GLRA3: variants seen among roughly 807,000 people sequenced by gnomAD.
GLRA3 encodes the protein glycine receptor alpha 3.
A neutral mutation model predicts 60.4 loss-of-function variants in GLRA3; 44 were observed. The observed-to-expected ratio is 0.73, with a 90% CI of 0.57 to 0.94. GLRA3 has a LOEUF of 0.94. Ranked by LOEUF, GLRA3 falls within the 40% of genes least tolerant of loss-of-function variation. The pLI is 0.00. For missense variants in GLRA3, 508 were observed against 564.6 expected (o/e 0.90, Z 1.02); for synonymous variants, 223 against 192.9 (o/e 1.16, Z -1.29).
chr4:174,801,260 C>A (rs1324588332), intron 1 of GLRA3, among the ~76,000 whole-genome samples: 1 of 152,024 alleles, frequency 6.6e-6, no homozygotes, highest in Non-Finnish European at 1.5e-5. Context: ...AGAGCTAAAT[C>A]CAATTAATTC....
intron 3 of GLRA3, 119 bp from the exon 4 acceptor site, chr4:174,728,817 G>A (rs960088565): frequency 8.1e-6 from 5 of 613,660 alleles, no homozygotes; most frequent in Middle Eastern, 4.3e-4. Flanking sequence ...ACCCCTCTTG[G>A]GGACGGGGTG....
intron 4 of GLRA3, among the ~76,000 whole-genome samples, chr4:174,724,348 G>A (rs72708207): frequency 0.15 from 22,100 of 151,850 alleles, 1,644 homozygotes; most frequent in East Asian, 0.19. Flanking sequence ...AAGGATAAAT[G>A]AGTTTCATAT....
chr4:174,751,090 T>C (rs1382432822), intron 3 of GLRA3, among the ~76,000 whole-genome samples: 1 of 151,000 alleles, frequency 6.6e-6, no homozygotes, highest in Non-Finnish European at 1.5e-5. Flanking sequence ...TATCTATCTA[T>C]CTATCTATCT....
chr4:174,767,148 A>G (rs1738176747), intron 2 of GLRA3, 118 bp from the exon 3 acceptor site: 1 of 586,706 alleles, frequency 1.7e-6, no homozygotes, highest in Admixed American at 2.7e-5. Flanking sequence ...ACACACACAC[A>G]CACACACAGA....
At chr4:174,703,741 C>T (rs984398715) in intron 5 of GLRA3, among the ~76,000 whole-genome samples, 1 of 152,072 alleles carries the variant, frequency 6.6e-6, no homozygotes, top group Admixed American at 6.6e-5. Flanking sequence ...AAAACTGAGC[C>T]TCTGAAAATG....
intron 3 of GLRA3, among the ~76,000 whole-genome samples, chr4:174,729,176 G>A (rs967513831): frequency 1.3e-5 from 2 of 152,082 alleles, no homozygotes; most frequent in African/African-American, 4.8e-5. Flanking sequence ...TTACTTTCTT[G>A]CTTTGTCAGA....
chr4:174,804,378 T>C (rs1248331136), intron 1 of GLRA3, among the ~76,000 whole-genome samples: 2 of 152,110 alleles, frequency 1.3e-5, no homozygotes, highest in Non-Finnish European at 2.9e-5. Flanking sequence ...ATGTAGTGCC[T>C]TACAGATCAT....
chr4:174,674,782 C>T (rs1027705821), intron 7 of GLRA3, among the ~76,000 whole-genome samples: 7 of 152,170 alleles, frequency 4.6e-5, no homozygotes, highest in African/African-American at 1.7e-4. Context: ...GCAAGACTCT[C>T]AGACTTCTGA....
Position 174,783,335 on chromosome 4 carries a change from C to G in GLRA3, c.199+5481G>C, listed in dbSNP as rs1203562664. Among the ~76,000 whole-genome samples the G allele has an allele frequency of 2.2e-5, 3 of 137,570 alleles. 1 individual carries two copies. In the East Asian group the frequency reaches 5.9e-4, roughly 27 times the overall value. The allele number at this position is 137,570 out of a possible 152,430, so 90.3% of individuals were successfully genotyped here. A position where few individuals can be genotyped will look rare whatever the true frequency, so the allele number is the denominator to read the frequency against. On this transcript the variant is annotated intron_variant, in intron 2 of 9. Coordinates refer to ENST00000274093, the MANE Select transcript of GLRA3 (RefSeq NM_006529.4). ...AAATCAATTCAGGATGGATTAAAGACTTACATGTTAGACCTAAAACCATAA... is the reference window on the plus strand; with the variant it reads ...AAATCAATTCAGGATGGATTAAAGAGTTACATGTTAGACCTAAAACCATAA...
chr4:174,776,246 G>A (rs1001828536), intron 2 of GLRA3, among the ~76,000 whole-genome samples: 3 of 152,176 alleles, frequency 2.0e-5, no homozygotes, highest in Admixed American at 6.5e-5. Flanking sequence ...ATGCCTAGTC[G>A]AAGCTCAACA....
chr4:174,783,551 A>C (rs1292013573), intron 2 of GLRA3, among the ~76,000 whole-genome samples: 1 of 140,654 alleles, frequency 7.1e-6, no homozygotes, highest in East Asian at 2.0e-4. Context: ...AATGGGAGAA[A>C]ATTTTTGCAA....
At chr4:174,661,135 A>G (rs914932644) in intron 7 of GLRA3, among the ~76,000 whole-genome samples, 1 of 152,108 alleles carries the variant, frequency 6.6e-6, no homozygotes, top group Admixed American at 6.6e-5. Flanking sequence ...TATCGTTTCT[A>G]GGCTCTCATA....
intron 7 of GLRA3, among the ~76,000 whole-genome samples, chr4:174,670,986 T>A (rs978248616): frequency 1.4e-4 from 21 of 152,204 alleles, no homozygotes; most frequent in Non-Finnish European, 2.6e-4. Flanking sequence ...AATTATTTCA[T>A]TTTCTGGGCC....
chr4:174,796,511 G>T (rs1357886863), intron 1 of GLRA3, among the ~76,000 whole-genome samples: 4 of 151,824 alleles, frequency 2.6e-5, no homozygotes, highest in African/African-American at 9.7e-5. Flanking sequence ...TGGCTAAAAA[G>T]CATTTTTACA....
intron 1 of GLRA3, among the ~76,000 whole-genome samples, chr4:174,816,627 G>GT (rs1235017684): frequency 0.025 from 3,575 of 144,994 alleles, 124 homozygotes; most frequent in African/African-American, 0.081. Flanking sequence ...TGGACAAGTG[G>GT]TTTTTTTTTT....
chr4:174,778,965 C>T (rs906069808), intron 2 of GLRA3, among the ~76,000 whole-genome samples: 3 of 152,188 alleles, frequency 2.0e-5, no homozygotes, highest in Admixed American at 6.5e-5. Flanking sequence ...GGGTGGAGCC[C>T]ACCACAGCTC....
chr4:174,735,403 TTTTGCTCATGA>T (rs1440227371), intron 3 of GLRA3, among the ~76,000 whole-genome samples: 3 of 152,196 alleles, frequency 2.0e-5, no homozygotes, highest in Non-Finnish European at 4.4e-5. Flanking sequence ...CTACTAATAC[TTTTGCTCATGA>T]CCTGAAATTT....
At chr4:174,752,618 C>T (rs1327770606) in intron 3 of GLRA3, among the ~76,000 whole-genome samples, 7 of 152,026 alleles carry the variant, frequency 4.6e-5, no homozygotes, top group African/African-American at 1.2e-4. Context: ...GTCCCAGAAG[C>T]GCTGGAAGAC....
chr4:174,802,747 G>T (rs1242766798), intron 1 of GLRA3, among the ~76,000 whole-genome samples: 1 of 151,994 alleles, frequency 6.6e-6, no homozygotes, highest in Non-Finnish European at 1.5e-5. Context: ...TAAAAATCAA[G>T]ATGTAGAAAT....
Sources: allele counts gnomAD v4.1 joint callset (sites outside exome capture counted in the v4.1 genomes callset), GRCh38; gene constraint gnomAD v4.1.1; transcripts MANE v1.5; gene names NCBI Gene and HGNC (gene_info 2026-07-23, HGNC 2026-07-21).